The following FXYD5 variants were observed in gnomAD, a reference collection of about 807,000 sequenced individuals.
FXYD5 encodes FXYD domain containing ion transport regulator 5.
A neutral mutation model predicts 25.7 loss-of-function variants in FXYD5; 21 were observed. The observed-to-expected ratio is 0.82, with a 90% CI of 0.58 to 1.18. FXYD5 has a LOEUF of 1.18. Ranked by LOEUF, FXYD5 falls within the 50% of genes most tolerant of loss-of-function variation. FXYD5 has a pLI of 0.00. For missense variants in FXYD5, 229 were observed against 227.7 expected (o/e 1.01, Z -0.04); for synonymous variants, 101 against 90.7 (o/e 1.11, Z -0.64).
intron 3 of FXYD5, among the ~76,000 whole-genome samples, chr19:35,157,905 C>T (rs1397876508): frequency 6.6e-6 from 1 of 152,222 alleles, no homozygotes; most frequent in African/African-American, 2.4e-5. Context: ...GCATAGAAAG[C>T]TGATTGGCCA....
intron 4 of FXYD5, 115 bp downstream of exon 4, chr19:35,158,515 A>C: frequency 1.4e-6 from 1 of 701,056 alleles, no homozygotes; most frequent in Non-Finnish European, 2.6e-6. Flanking sequence ...CCCAGCTCTG[A>C]ATGCCCTGGT....
At chr19:35,158,909 T>A (rs2065380884) in intron 4 of FXYD5, among the ~76,000 whole-genome samples, 1 of 152,064 alleles carries the variant, frequency 6.6e-6, no homozygotes, top group African/African-American at 2.4e-5. Context: ...GATGGATCAC[T>A]TGAGCTCAGG....
chr19:35,164,887 A>G (rs1369535108), intron 6 of FXYD5, among the ~76,000 whole-genome samples: 1 of 152,250 alleles, frequency 6.6e-6, no homozygotes, highest in Non-Finnish European at 1.5e-5. Flanking sequence ...GTATCAGTTG[A>G]TTTCAACTTG....
rs868859581 is a variant in FXYD5 at position 35,164,182 on chromosome 19, C to T, written c.319C>T (p.Leu107Phe). 16 of 1,614,018 alleles carry T rather than the reference C, an allele frequency of 9.9e-6. No individual in the cohort carries two copies. In the African/African-American group the frequency reaches 1.5e-4, roughly 15 times the overall value. Residue 107 changes from leucine to phenylalanine, a missense_variant, in exon 6 of 9, where the codon CTC becomes TTC. By Grantham distance (22) the Leu-to-Phe change is conservative. Transcript: ENST00000392219. ...AAHPTDDTTT[L>F]SERPSPSTDV... ...TCATCCCACTGATGACACCACGACG[C>T]TCTCTGAGAGACCATCCCCAAGCAC...
chr19:35,160,764 A>C lies in FXYD5; in HGVS notation c.255A>C (p.Leu85=), dbSNP rs766759492. The change falls in exon 5 of 9, where the codon CTA becomes CTC. Residue 85 remains leucine (L), a synonymous_variant. Coordinates refer to ENST00000392219, the MANE Select transcript of FXYD5 (RefSeq NM_014164.6). ...AACTGGAAGGAACGGATGGGCCTCT[A>C]GTGACAGATCCAGAGACACACAAGA... The part of the protein sequence containing the change: ...TQQLEGTDGP[L]VTDPETHKST... 3 of 1,613,574 alleles carry C rather than the reference A, an allele frequency of 1.9e-6. No individual in the cohort carries two copies. Among genetic ancestry groups the C allele is most frequent in the Non-Finnish European group, 1.7e-6 (2 of 1,179,544 alleles).
At chr19:35,162,422 C>A (rs2065414669) in intron 5 of FXYD5, among the ~76,000 whole-genome samples, 1 of 152,188 alleles carries the variant, frequency 6.6e-6, no homozygotes, top group Non-Finnish European at 1.5e-5. Context: ...GAATTCATTT[C>A]TCCCGGTTCT....
In FXYD5 at chr19:35,166,258, C is replaced by G. The variant is rs201399482; in HGVS notation, c.420C>G (p.His140Gln). 4.3e-6 allele frequency: 7 copies of G among 1,612,390 alleles called. No homozygotes were observed. Among genetic ancestry groups the G allele is most frequent in the Non-Finnish European group, 5.9e-6 (7 of 1,178,616 alleles). The change falls in exon 8 of 9, where the codon CAC (histidine) becomes CAG (glutamine). Residue 140 changes from histidine to glutamine, a missense_variant. Coordinates refer to ENST00000392219, the MANE Select transcript of FXYD5 (RefSeq NM_014164.6). ...HEDDPFFYDE[H>Q]TLRKRGLLVA... is the part of the protein sequence containing the mutation. ...TCATTTTTCTCTCTGCAGATGAACA[C>G]ACCCTCCGGAAACGGGGGCTGTTGG...
intron 5 of FXYD5, among the ~76,000 whole-genome samples, chr19:35,162,277 T>C (rs16970014): frequency 0.039 from 5,865 of 152,306 alleles, 152 homozygotes; most frequent in East Asian, 0.069. Context: ...CTATCTTTGC[T>C]TCTCTTCCAC....
intron 4 of FXYD5, among the ~76,000 whole-genome samples, chr19:35,159,147 C>T (rs1005316157): frequency 6.6e-6 from 1 of 151,988 alleles, no homozygotes; most frequent in Non-Finnish European, 1.5e-5. Flanking sequence ...AAAAGTGCTC[C>T]CTGATTTTTT....
At chr19:35,164,285 C>T in intron 6 of FXYD5, 40 bp downstream of exon 6, 7 of 1,572,452 alleles carry the variant, frequency 4.5e-6, no homozygotes, top group Non-Finnish European at 6.1e-6. Flanking sequence ...AGGCTATTTT[C>T]TGTTCACTGT....
rs2065479071 is a variant in FXYD5, at chr19:35,169,474, AGG to A, written c.488-90_488-89del. On this transcript the variant is annotated intron_variant, in intron 8 of 8. Transcript: ENST00000392219. The stretch of plus-strand genomic sequence containing the variant: ...GTTGCCTTTGAGTTTCCCGAGGGGC[AGG>A]GTTGATCAATCTGGTTCCCCAGCCC... 1.4e-5 allele frequency: 13 copies of A among 933,044 alleles called. No homozygotes were observed. In the Middle Eastern group the frequency reaches 6.4e-4, roughly 46 times the overall value. The allele number at this position is 933,044 out of a possible 1,614,324, so 57.8% of individuals were successfully genotyped here.
intron 5 of FXYD5, among the ~76,000 whole-genome samples, chr19:35,163,680 C>T (rs1419128999): frequency 1.3e-5 from 2 of 152,014 alleles, no homozygotes; most frequent in Non-Finnish European, 2.9e-5. Context: ...CGGGGTTTCA[C>T]CATGTTGGCC....
rs535352135 is a variant in FXYD5, at chr19:35,157,360, C to CA, written c.62-61_62-60insA. The stretch of plus-strand genomic sequence containing the variant: ...TAAGGTTTCACCAGGGAGGCGAGGG[C>CA]GGGGGTGGTGAGAGGAGGGGGACCA... On this transcript the variant is annotated intron_variant, in intron 2 of 8. Coordinates refer to ENST00000392219, the MANE Select transcript of FXYD5 (RefSeq NM_014164.6). 9.8e-4 allele frequency: 801 copies of CA among 815,766 alleles called. 8 individuals carry two copies. In the South Asian group the frequency reaches 0.011, roughly 11 times the overall value. The allele number at this position is 815,766 out of a possible 1,614,324, so 50.5% of individuals were successfully genotyped here. A position where few individuals can be genotyped will look rare whatever the true frequency, so the allele number is the denominator to read the frequency against.
At chr19:35,155,081 C>T (rs1369351325) in intron 1 of FXYD5, 1 of 185,144 alleles carries the variant, frequency 5.4e-6, no homozygotes, top group Admixed American at 5.7e-5. Context: ...CACCAACTCA[C>T]TTTTTCCTCT....
At position 35,160,733 on chromosome 19, in the gene FXYD5, C is replaced by A; in HGVS notation, c.224C>A (p.Thr75Asn). The change falls in exon 5 of 9, where the codon ACC becomes AAC. Residue 75 changes from threonine to asparagine, a missense_variant. Thr to Asn is a moderately conservative substitution (Grantham distance 65). Transcript: ENST00000392219. ...GAAACACCACAACCCCAGACCCAGACCCAGCAACTGGAAGGAACGGATGGG... is the reference window on the plus strand; with the variant it reads ...GAAACACCACAACCCCAGACCCAGAACCAGCAACTGGAAGGAACGGATGGG... ...ADETPQPQTQ[T>N]QQLEGTDGPL... 6.2e-7 allele frequency: 1 copy of A among 1,613,510 alleles called. No individual in the cohort carries two copies.
intron 5 of FXYD5, among the ~76,000 whole-genome samples, chr19:35,162,390 G>C (rs1014336875): frequency 1.3e-5 from 2 of 152,198 alleles, no homozygotes; most frequent in African/African-American, 4.8e-5. Flanking sequence ...AAATACCACA[G>C]ACTGGATGGC....
chr19:35,169,831 C>G lies in FXYD5; in HGVS notation c.*216C>G, dbSNP rs2065483733. 2 of 578,474 alleles carry G rather than the reference C, an allele frequency of 3.5e-6. No individual in the cohort carries two copies. Among genetic ancestry groups the G allele is most frequent in the Admixed American group, 6.0e-5 (2 of 33,076 alleles). The allele number at this position is 578,474 out of a possible 1,614,324, so 35.8% of individuals were successfully genotyped here. A position where few individuals can be genotyped will look rare whatever the true frequency, so the allele number is the denominator to read the frequency against. Reference sequence around the variant, plus strand: ...CTACCTGGCGCCTTGGGGGCTGTCCCTCAAGTTATCTCCTCTGCTAAGACA... The same window carrying G: ...CTACCTGGCGCCTTGGGGGCTGTCCGTCAAGTTATCTCCTCTGCTAAGACA... On this transcript the variant is annotated 3_prime_UTR_variant, in exon 9 of 9. Coordinates refer to ENST00000392219, the MANE Select transcript of FXYD5 (RefSeq NM_014164.6).
At chr19:35,168,812 C>T (rs1334821368) in intron 8 of FXYD5, among the ~76,000 whole-genome samples, 1 of 152,154 alleles carries the variant, frequency 6.6e-6, no homozygotes, top group Non-Finnish European at 1.5e-5. Context: ...TATGTAATCC[C>T]AGGACTTTGG....
chr19:35,168,949 G>T (rs2065474307), intron 8 of FXYD5, among the ~76,000 whole-genome samples: 1 of 151,978 alleles, frequency 6.6e-6, no homozygotes, highest in Admixed American at 6.6e-5. Flanking sequence ...TGTCATCCCA[G>T]CTACTCGGGA....
Sources: gnomAD v4.1 joint callset for allele counts (sites outside exome capture counted in the v4.1 genomes callset) on GRCh38, gnomAD v4.1.1 for gene constraint, MANE v1.5 for transcripts, NCBI Gene and HGNC (gene_info 2026-07-23, HGNC 2026-07-21) for gene names.